The following ASB7 variants were observed in gnomAD, a reference collection of about 807,000 sequenced individuals.
ASB7 encodes ankyrin repeat and SOCS box containing 7, also known as ankyrin repeat and SOCS box protein 7.
A neutral mutation model predicts 32.5 loss-of-function variants in ASB7; 4 were observed. The ratio of observed to expected loss-of-function variants is 0.12; its 90% CI spans 0.06 to 0.28. The LOEUF (loss-of-function observed/expected upper bound fraction) is 0.28. Ranked by LOEUF, ASB7 falls within the 10% of genes least tolerant of loss-of-function variation. The pLI is 1.00. For synonymous variants in ASB7, 172 were observed against 155.6 expected (o/e 1.11, Z -0.78); for missense variants, 181 against 407.1 (o/e 0.44, Z 4.78).
intron 4 of ASB7, among the ~76,000 whole-genome samples, chr15:100,614,344 A>G (rs1268584018): frequency 6.6e-6 from 1 of 152,134 alleles, no homozygotes; most frequent in Non-Finnish European, 1.5e-5. Flanking sequence ...GGTTTTGAAC[A>G]TCAATGATAA....
chr15:100,647,201 C>T lies in ASB7; in HGVS notation c.818-1122C>T, dbSNP rs192105839. On this transcript the variant is annotated intron_variant, in intron 5 of 5. Transcript: ENST00000332783. ...CCACATAAAAGTTTCTGGGGGTTCG[C>T]AATAATTTTTTAAAGTGTAAAGGAG... 6.2e-3 allele frequency among the ~76,000 whole-genome samples: 938 copies of T among 152,136 alleles called. 8 individuals carry two copies. Among genetic ancestry groups the T allele is most frequent in the African/African-American group, 0.022 (900 of 41,482 alleles).
intron 5 of ASB7, among the ~76,000 whole-genome samples, chr15:100,641,455 C>A (rs1254907586): frequency 2.0e-5 from 3 of 152,222 alleles, no homozygotes; most frequent in Admixed American, 2.0e-4. Context: ...TTTCACTCAG[C>A]AATACTGGTA....
intron 4 of ASB7, among the ~76,000 whole-genome samples, chr15:100,625,675 G>A (rs2039831439): frequency 6.6e-6 from 1 of 152,078 alleles, no homozygotes; most frequent in African/African-American, 2.4e-5. Context: ...CAGCAGGCTT[G>A]TTTGAGGACT....
Position 100,629,386 on chromosome 15 carries a change from G to C in ASB7, c.212-51G>C. The C allele has an allele frequency of 2.7e-6, 4 of 1,477,144 alleles. No individual in the cohort carries two copies. The highest frequency in any genetic ancestry group is 2.3e-5 in the East Asian group (1 of 43,820). 91.5% of individuals were successfully genotyped at this position (1,477,144 alleles called of 1,614,324 possible). ...AGTTTGCTGTGCCATGGTAATGTTT[G>C]TTGTTTTGTCTTGGAGTCTGCTAAT... is the stretch of plus-strand genomic sequence containing the variant. On this transcript the variant is annotated intron_variant, in intron 4 of 5. Transcript: ENST00000332783. The surrounding 1 kb of genome is among the most constrained non-coding windows in gnomAD (Gnocchi z 6.8).
At chr15:100,613,122 T>A (rs1057486202) in intron 4 of ASB7, among the ~76,000 whole-genome samples, 4 of 152,368 alleles carry the variant, frequency 2.6e-5, no homozygotes, top group Admixed American at 2.6e-4. Flanking sequence ...ATGGGTTTTT[T>A]ATATATTTGA....
At chr15:100,618,406 CG>C (rs2039762337) in intron 4 of ASB7, among the ~76,000 whole-genome samples, 1 of 152,100 alleles carries the variant, frequency 6.6e-6, no homozygotes, top group South Asian at 2.1e-4. Flanking sequence ...TGAGCCACCG[CG>C]TCCAGTCTCG....
chr15:100,647,888 G>C (rs2141410020), intron 5 of ASB7, among the ~76,000 whole-genome samples: 1 of 152,290 alleles, frequency 6.6e-6, no homozygotes, highest in Middle Eastern at 3.4e-3. Context: ...ACACTTTTCA[G>C]ATTGAGAAGC....
In ASB7 at chr15:100,602,715, C is replaced by A; in HGVS notation, c.-604C>A. 2.8e-6 allele frequency: 1 copy of A among 358,562 alleles called. No individual in the cohort carries two copies. The highest frequency in any genetic ancestry group is 2.1e-5 in the African/African-American group (1 of 47,614). 22.2% of individuals were successfully genotyped at this position (358,562 alleles called of 1,614,324 possible). A position where few individuals can be genotyped will look rare whatever the true frequency, so the allele number is the denominator to read the frequency against. The stretch of plus-strand genomic sequence containing the variant: ...CCGTATGACCTGGGACCTCGCCGTC[C>A]CGAGACCTCCTGGGTCCCTCCGTAG... On this transcript the variant is annotated 5_prime_UTR_variant, in exon 1 of 6. Coordinates refer to ENST00000332783, the MANE Select transcript of ASB7 (RefSeq NM_198243.3).
chr15:100,616,526 A>C (rs2039744578), intron 4 of ASB7, among the ~76,000 whole-genome samples: 1 of 152,194 alleles, frequency 6.6e-6, no homozygotes, highest in Admixed American at 6.5e-5. Flanking sequence ...GTAGCCTGGT[A>C]CAGTTTCACT....
At position 100,629,757 on chromosome 15, in the gene ASB7, A is replaced by G. The variant is rs1297836682; in HGVS notation, c.532A>G (p.Ile178Val). The change falls in exon 5 of 6, where the codon ATT becomes GTT. Residue 178 changes from isoleucine to valine, a missense_variant. Coordinates refer to ENST00000332783, the MANE Select transcript of ASB7 (RefSeq NM_198243.3). This position sits in a 1 kb window ranked among gnomAD's most constrained non-coding sequence, Gnocchi z 6.8. ...CCTGGACCACAATGCCAACATCGAC[A>G]TTCAGAATGGTTTCCTGTTGCGATA... is the stretch of plus-strand genomic sequence containing the variant. ...ILLDHNANID[I>V]QNGFLLRYAV... The G allele has an allele frequency of 1.9e-6, 3 of 1,614,244 alleles. No individual in the cohort carries two copies. The highest frequency in any genetic ancestry group is 1.3e-5 in the African/African-American group (1 of 75,060).
intron 5 of ASB7, among the ~76,000 whole-genome samples, chr15:100,643,146 T>C (rs2039972735): frequency 6.6e-6 from 1 of 152,052 alleles, no homozygotes; most frequent in South Asian, 2.1e-4. Flanking sequence ...TGACCTCAGT[T>C]CCCTTGTATA....
intron 4 of ASB7, among the ~76,000 whole-genome samples, chr15:100,616,477 C>G (rs1228905897): frequency 6.6e-6 from 1 of 152,134 alleles, no homozygotes; most frequent in Non-Finnish European, 1.5e-5. Context: ...TGGTATTTAG[C>G]TTTTTAATCT....
chr15:100,635,870 G>C (rs2039918862), intron 5 of ASB7, among the ~76,000 whole-genome samples: 1 of 152,216 alleles, frequency 6.6e-6, no homozygotes, highest in Non-Finnish European at 1.5e-5. Flanking sequence ...AAGGTTCTGA[G>C]AAAGTCTTTC....
intron 5 of ASB7, among the ~76,000 whole-genome samples, chr15:100,637,752 C>T (rs1347595478): frequency 6.6e-6 from 1 of 152,186 alleles, no homozygotes. Context: ...TTTAAAAATT[C>T]CTTCCTTTTC....
chr15:100,627,966 GTCATGC>G (rs2039853663), intron 4 of ASB7, among the ~76,000 whole-genome samples: 1 of 152,188 alleles, frequency 6.6e-6, no homozygotes, highest in Non-Finnish European at 1.5e-5. Context: ...AAACATTAGT[GTCATGC>G]TCATGCCTTA....
At chr15:100,626,850 C>CAGA (rs1409722997) in intron 4 of ASB7, among the ~76,000 whole-genome samples, 1 of 152,124 alleles carries the variant, frequency 6.6e-6, no homozygotes, top group Non-Finnish European at 1.5e-5. Flanking sequence ...AAGTCAAACA[C>CAGA]AGAAGTCTAC....
intron 3 of ASB7, among the ~76,000 whole-genome samples, chr15:100,610,110 A>T (rs2039681982): frequency 6.6e-6 from 1 of 152,238 alleles, no homozygotes; most frequent in African/African-American, 2.4e-5. Flanking sequence ...CTCTCATAAC[A>T]GAATAAGCAA....
At chr15:100,643,084 G>T (rs4553607) in intron 5 of ASB7, among the ~76,000 whole-genome samples, 1 of 151,930 alleles carries the variant, frequency 6.6e-6, no homozygotes, top group Non-Finnish European at 1.5e-5. Context: ...TCAGGTGGCC[G>T]GCAAGTTGGT....
chr15:100,634,975 A>AT (rs1485173374), intron 5 of ASB7, among the ~76,000 whole-genome samples: 1 of 152,156 alleles, frequency 6.6e-6, no homozygotes, highest in Non-Finnish European at 1.5e-5. Context: ...GATTGGCTAG[A>AT]TTATTTGCAG....
Sources: allele counts gnomAD v4.1 joint callset (sites outside exome capture counted in the v4.1 genomes callset), GRCh38; gene constraint gnomAD v4.1.1; non-coding constraint Gnocchi (gnomAD v3.1); transcripts MANE v1.5; gene names NCBI Gene and HGNC (gene_info 2026-07-23, HGNC 2026-07-21).